The following PLCL1 variants were observed in gnomAD, a reference collection of about 807,000 sequenced individuals.
PLCL1 encodes the protein inactive phospholipase C-like protein 1.
PLCL1 carries 41 observed loss-of-function variants against 84.4 expected under a neutral mutation model. The ratio of observed to expected loss-of-function variants is 0.49; its 90% CI spans 0.38 to 0.63. PLCL1 has a LOEUF of 0.63. Ranked by LOEUF, PLCL1 falls within the 30% of genes least tolerant of loss-of-function variation. PLCL1 has a pLI of 0.00. For synonymous variants in PLCL1, 490 were observed against 488.3 expected (o/e 1.00, Z -0.05); for missense variants, 1,206 against 1,367.8 (o/e 0.88, Z 1.87).
At chr2:197,885,718 A>G (rs1687911177) in intron 1 of PLCL1, among the ~76,000 whole-genome samples, 1 of 152,200 alleles carries the variant, frequency 6.6e-6, no homozygotes, top group Non-Finnish European at 1.5e-5. Context: ...CATGTCCAAG[A>G]CATCCTTTGT....
chr2:198,087,099 TG>T (rs1692906032), intron 2 of PLCL1, among the ~76,000 whole-genome samples: 1 of 152,188 alleles, frequency 6.6e-6, no homozygotes, highest in African/African-American at 2.4e-5. Flanking sequence ...TATTTAACCT[TG>T]TCTTAGAAAT....
rs868220922 is a variant in PLCL1 at position 198,084,657 on chromosome 2, T to C, written c.1140T>C (p.Tyr380=). 4.3e-6 allele frequency: 7 copies of C among 1,614,086 alleles called. No homozygotes were observed. The highest frequency in any genetic ancestry group is 1.7e-4 in the Middle Eastern group (1 of 6,058). ...GFLAIDGFTQ[Y]LLSSECDIFD... ...TTGCAATTGATGGCTTTACCCAGTATTTATTGTCATCAGAATGTGACATTT... is the reference window on the plus strand; with the variant it reads ...TTGCAATTGATGGCTTTACCCAGTACTTATTGTCATCAGAATGTGACATTT... Residue 380 remains tyrosine, a synonymous_variant, in exon 2 of 6, where the codon TAT becomes TAC. Transcript: ENST00000428675.
intron 1 of PLCL1, among the ~76,000 whole-genome samples, chr2:198,022,285 G>A (rs553465213): frequency 1.3e-5 from 2 of 151,990 alleles, no homozygotes; most frequent in East Asian, 3.9e-4. Context: ...ATACTGAATG[G>A]GCAATATCAT....
intron 5 of PLCL1, among the ~76,000 whole-genome samples, chr2:198,111,668 A>G (rs1693625787): frequency 6.6e-6 from 1 of 151,864 alleles, no homozygotes; most frequent in South Asian, 2.1e-4. Context: ...TATTATACCC[A>G]TTTTACAGAT....
chr2:198,147,411 C>T lies in PLCL1; in HGVS notation c.*449C>T, dbSNP rs1398889692. The T allele has an allele frequency of 6.6e-6, 1 of 152,468 alleles. No individual in the cohort carries two copies. Among genetic ancestry groups the T allele is most frequent in the Non-Finnish European group, 1.5e-5 (1 of 68,174 alleles). 9.4% of individuals were successfully genotyped at this position (152,468 alleles called of 1,614,324 possible). ...TTTAATTTGACTTCTCTGCCTTTGA[C>T]ATTTAATTTAGTGATCTTAGCATAG... is the stretch of plus-strand genomic sequence containing the variant. On this transcript the variant is annotated 3_prime_UTR_variant, in exon 6 of 6. Transcript: ENST00000428675.
At chr2:198,074,292 G>A (rs1412726543) in intron 1 of PLCL1, among the ~76,000 whole-genome samples, 1 of 152,120 alleles carries the variant, frequency 6.6e-6, no homozygotes, top group Non-Finnish European at 1.5e-5. Flanking sequence ...TGGTATAACT[G>A]TAAATGATTT....
At chr2:198,083,659 C>A in intron 1 of PLCL1, 99 bp from the exon 2 acceptor site, 1 of 709,956 alleles carries the variant, frequency 1.4e-6, no homozygotes, top group South Asian at 2.3e-5. Context: ...TTCAAATAAT[C>A]ACAATATGTG....
At chr2:197,981,145 C>G (rs1364192362) in intron 1 of PLCL1, among the ~76,000 whole-genome samples, 1 of 152,142 alleles carries the variant, frequency 6.6e-6, no homozygotes, top group African/African-American at 2.4e-5. Context: ...CTTAGTTCAC[C>G]TACAACCAAT....
intron 1 of PLCL1, among the ~76,000 whole-genome samples, chr2:198,031,359 G>T (rs1490779664): frequency 2.6e-5 from 4 of 151,920 alleles, no homozygotes; most frequent in Non-Finnish European, 5.9e-5. Context: ...CAGAGCAAGA[G>T]GCCCCGTGTC....
At chr2:197,947,860 G>A (rs1276669513) in intron 1 of PLCL1, among the ~76,000 whole-genome samples, 1 of 152,144 alleles carries the variant, frequency 6.6e-6, no homozygotes, top group Non-Finnish European at 1.5e-5. Context: ...AAGCAGCAAA[G>A]GCTGAGAATG....
intron 1 of PLCL1, among the ~76,000 whole-genome samples, chr2:197,964,901 G>A (rs1343128090): frequency 6.6e-6 from 1 of 152,062 alleles, no homozygotes; most frequent in East Asian, 1.9e-4. Context: ...TGTGTGTGTT[G>A]AACCATCCTT....
At chr2:197,905,698 C>T (rs549551124) in intron 1 of PLCL1, among the ~76,000 whole-genome samples, 2 of 151,816 alleles carry the variant, frequency 1.3e-5, no homozygotes, top group East Asian at 1.9e-4. Flanking sequence ...AGTGTAAAAG[C>T]GTTCCTATTT....
chr2:197,850,180 C>G (rs907880676), intron 1 of PLCL1, among the ~76,000 whole-genome samples: 1 of 152,078 alleles, frequency 6.6e-6, no homozygotes, highest in East Asian at 1.9e-4. Flanking sequence ...ATTAGTACTG[C>G]GACAGGATTG....
chr2:197,995,244 T>A (rs762311725), intron 1 of PLCL1, among the ~76,000 whole-genome samples: 12 of 152,182 alleles, frequency 7.9e-5, no homozygotes, highest in Non-Finnish European at 1.5e-4. Flanking sequence ...CTCCTAGGAA[T>A]GGACCCATTT....
chr2:198,008,594 T>C (rs1382040898), intron 1 of PLCL1, among the ~76,000 whole-genome samples: 1 of 152,044 alleles, frequency 6.6e-6, no homozygotes, highest in Non-Finnish European at 1.5e-5. Flanking sequence ...TTTTCCTTAC[T>C]TATTCATCTG....
At chr2:197,833,213 C>T (rs1349459384) in intron 1 of PLCL1, among the ~76,000 whole-genome samples, 2 of 152,130 alleles carry the variant, frequency 1.3e-5, no homozygotes, top group Non-Finnish European at 2.9e-5. Flanking sequence ...TATGACAAAC[C>T]CATAGCCAAT....
At position 197,877,496 on chromosome 2, in the gene PLCL1, C is replaced by T. The variant is rs568843996; in HGVS notation, c.240+72157C>T. On this transcript the variant is annotated intron_variant, in intron 1 of 5. Coordinates refer to ENST00000428675, the MANE Select transcript of PLCL1 (RefSeq NM_006226.4). ...ATACTCTCATAGTGTGCCACTTTTC[C>T]GCATCATCTTAACATTTGTAATAAC... Among the ~76,000 whole-genome samples the T allele has an allele frequency of 2.5e-3, 377 of 152,082 alleles. 3 individuals are homozygous for T. Among genetic ancestry groups the T allele is most frequent in the African/African-American group, 8.5e-3 (353 of 41,494 alleles).
At chr2:197,941,567 G>T (rs1054597318) in intron 1 of PLCL1, among the ~76,000 whole-genome samples, 1 of 152,112 alleles carries the variant, frequency 6.6e-6, no homozygotes, top group Admixed American at 6.5e-5. Context: ...TACTGGCGTG[G>T]GCCACTGCAC....
intron 1 of PLCL1, among the ~76,000 whole-genome samples, chr2:197,994,377 GT>G (rs913060327): frequency 3.9e-5 from 6 of 152,242 alleles, no homozygotes; most frequent in Middle Eastern, 3.4e-3. Flanking sequence ...TTAACATCCT[GT>G]AACAAACATC....
Sources: allele counts gnomAD v4.1 joint callset (sites outside exome capture counted in the v4.1 genomes callset), GRCh38; gene constraint gnomAD v4.1.1; transcripts MANE v1.5; gene names NCBI Gene and HGNC (gene_info 2026-07-23, HGNC 2026-07-21).